Variants in DNAAF11 observed in about 807,000 individuals in gnomAD.
The protein encoded by DNAAF11 is dynein axonemal assembly factor 11, also known as leucine rich repeat containing 6.
Under a neutral mutation model 60.8 loss-of-function variants are expected in DNAAF11, and 45 were observed. The observed-to-expected ratio is 0.74, with a 90% CI of 0.58 to 0.95. The LOEUF is 0.95. Ranked by LOEUF, DNAAF11 falls within the 40% of genes least tolerant of loss-of-function variation. The probability of loss-of-function intolerance (pLI) is 0.00; values close to 1 mark genes in which losing one functional copy is unlikely to be tolerated. For missense variants in DNAAF11, 546 were observed against 546.2 expected, an observed-to-expected ratio of 1.00 and a Z score of 0.00; for synonymous variants, 191 against 183.5, an observed-to-expected ratio of 1.04 and a Z score of -0.33.
chr8:132,570,713 C>G lies in DNAAF11; in HGVS notation c.*1593G>C, dbSNP rs957435304. ...AGATGCAGAGGGACCCAGCCTGCTGCAGCTGATCCTTGATCTCCACCACTG... is the reference window on the plus strand; with the variant it reads ...AGATGCAGAGGGACCCAGCCTGCTGGAGCTGATCCTTGATCTCCACCACTG... On this transcript the variant is annotated 3_prime_UTR_variant, in exon 12 of 12. Coordinates refer to ENST00000620350, the MANE Select transcript of DNAAF11 (RefSeq NM_012472.6). Among the ~76,000 whole-genome samples, 2 of 152,198 alleles carry G rather than the reference C, an allele frequency of 1.3e-5. No individual in the cohort carries two copies. The highest frequency in any genetic ancestry group is 2.9e-5 in the Non-Finnish European group (2 of 68,054).
chr8:132,658,066 T>C (rs1400433494), intron 2 of DNAAF11, among the ~76,000 whole-genome samples: 2 of 152,316 alleles, frequency 1.3e-5, no homozygotes, highest in Non-Finnish European at 2.9e-5. Flanking sequence ...AGCTCAAAGA[T>C]GGTGATTTAT....
At chr8:132,690,404 C>T in the DNAAF11 span, among the ~76,000 whole-genome samples, 1 of 152,150 alleles carries the variant, frequency 6.6e-6, no homozygotes, top group Non-Finnish European at 1.5e-5. Flanking sequence ...TGTCTGCTTC[C>T]CCTTCCACCA....
chr8:132,615,104 A>C lies in DNAAF11; in HGVS notation c.915-7T>G. The C allele has an allele frequency of 6.3e-7, 1 of 1,594,034 alleles. No homozygotes were observed. The highest frequency in any genetic ancestry group is 1.3e-5 in the African/African-American group (1 of 74,712). On this transcript the variant is annotated splice_region_variant and splice_polypyrimidine_tract_variant and intron_variant, in intron 7 of 11. Transcript: ENST00000620350. ...TTTCAAAGAGAAGTCAATTCTAAGA[A>C]TAACACATTTGGTGGGAAAAAAGAG...
chr8:132,573,806 T>G (rs529001548), intron 11 of DNAAF11, among the ~76,000 whole-genome samples: 26 of 152,160 alleles, frequency 1.7e-4, no homozygotes, highest in Non-Finnish European at 3.5e-4. Flanking sequence ...TTTTAGTTTT[T>G]GATCCTTCAC....
At chr8:132,671,005 G>C (rs887058309) in intron 1 of DNAAF11, among the ~76,000 whole-genome samples, 1 of 152,086 alleles carries the variant, frequency 6.6e-6, no homozygotes, top group African/African-American at 2.4e-5. Flanking sequence ...ATATCGAGCA[G>C]AGAAAGACTC....
the DNAAF11 span, among the ~76,000 whole-genome samples, chr8:132,682,627 A>G: frequency 6.6e-6 from 1 of 152,228 alleles, no homozygotes; most frequent in African/African-American, 2.4e-5. Context: ...AGTAGTATGG[A>G]CACATTACTC....
Position 132,657,867 on chromosome 8 carries a change from T to C in DNAAF11, c.179-960A>G, listed in dbSNP as rs572825805. Reference sequence around the variant, plus strand: ...CCAAGGTACAGAGAATTAATTCACTTGTCCAAGGTTAAGTGGTAGAGCTAG... The same window carrying C: ...CCAAGGTACAGAGAATTAATTCACTCGTCCAAGGTTAAGTGGTAGAGCTAG... On this transcript the variant is annotated intron_variant, in intron 2 of 11. Coordinates refer to ENST00000620350, the MANE Select transcript of DNAAF11 (RefSeq NM_012472.6). 2.6e-5 allele frequency among the ~76,000 whole-genome samples: 4 copies of C among 152,308 alleles called. No individual in the cohort carries two copies. In the South Asian group the frequency reaches 8.3e-4, roughly 32 times the overall value.
At chr8:132,625,810 T>C (rs1340172323) in intron 5 of DNAAF11, among the ~76,000 whole-genome samples, 7 of 152,212 alleles carry the variant, frequency 4.6e-5, no homozygotes, top group African/African-American at 1.7e-4. Flanking sequence ...AGAAAGCCTA[T>C]TCAGTAGATC....
At chr8:132,696,839 T>C in the DNAAF11 span, among the ~76,000 whole-genome samples, 1 of 152,070 alleles carries the variant, frequency 6.6e-6, no homozygotes, top group East Asian at 1.9e-4. Context: ...AACTAAATGA[T>C]GAGAACGCAT....
chr8:132,668,795 G>GC, intron 1 of DNAAF11, among the ~76,000 whole-genome samples: 1 of 152,184 alleles, frequency 6.6e-6, no homozygotes, highest in South Asian at 2.1e-4. Context: ...CCAGGAAAGG[G>GC]CACCTTAGGC....
At chr8:132,643,434 A>G in intron 3 of DNAAF11, 1 of 337,358 alleles carries the variant, frequency 3.0e-6, no homozygotes, top group South Asian at 2.5e-5. Context: ...AGGCAGGAGG[A>G]GGCAGGTAGG....
intron 11 of DNAAF11, 147 bp downstream of exon 11, chr8:132,583,547 G>A (rs1195974507): frequency 2.5e-5 from 16 of 641,694 alleles, no homozygotes; most frequent in Non-Finnish European, 3.3e-5. Context: ...AAGAGTCTAC[G>A]GTTTGGGAAA....
At chr8:132,575,289 C>T (rs1276803777) in intron 11 of DNAAF11, among the ~76,000 whole-genome samples, 1 of 152,118 alleles carries the variant, frequency 6.6e-6, no homozygotes, top group Non-Finnish European at 1.5e-5. Context: ...TGAGTTCATC[C>T]ATGTAAAGGA....
chr8:132,690,289 T>TC, the DNAAF11 span, among the ~76,000 whole-genome samples: 1 of 152,230 alleles, frequency 6.6e-6, no homozygotes, highest in South Asian at 2.1e-4. Context: ...TGGGGCAGTT[T>TC]CCCCCATGCT....
intron 3 of DNAAF11, among the ~76,000 whole-genome samples, chr8:132,644,608 C>G (rs912171216): frequency 3.9e-5 from 6 of 152,098 alleles, no homozygotes; most frequent in African/African-American, 1.4e-4. Context: ...ACCAATGGTA[C>G]CTGGAAAATT....
chr8:132,639,245 A>G (rs563240654), intron 3 of DNAAF11, among the ~76,000 whole-genome samples: 6 of 152,314 alleles, frequency 3.9e-5, no homozygotes, highest in African/African-American at 1.4e-4. Flanking sequence ...TAGTTTATGC[A>G]GCAGCCTTTG....
At position 132,639,684 on chromosome 8, in the gene DNAAF11, C is replaced by G. The variant is rs538592592; in HGVS notation, c.257-1577G>C. Among the ~76,000 whole-genome samples the G allele has an allele frequency of 2.0e-5, 3 of 152,222 alleles. No homozygotes were observed. In the South Asian group the frequency reaches 6.2e-4, roughly 32 times the overall value. On this transcript the variant is annotated intron_variant, in intron 3 of 11. Transcript: ENST00000620350. ...ATCTTGTCCAGAATTCCACGTTTTC[C>G]TCTTATTAAGTCAGATCCCAAGCCA...
upstream of DNAAF11, among the ~76,000 whole-genome samples, chr8:132,678,925 T>C (rs778608726): frequency 1.3e-5 from 2 of 152,184 alleles, no homozygotes; most frequent in East Asian, 3.9e-4. Context: ...TCAAGTATTC[T>C]GTTCATTCAT....
intron 10 of DNAAF11, among the ~76,000 whole-genome samples, chr8:132,607,055 C>T (rs1313076689): frequency 6.6e-6 from 1 of 152,178 alleles, no homozygotes; most frequent in Admixed American, 6.5e-5. Context: ...TATAGTCATC[C>T]TGGATCTTCC....
Sources: allele counts gnomAD v4.1 joint callset (sites outside exome capture counted in the v4.1 genomes callset), GRCh38; gene constraint gnomAD v4.1.1; transcripts MANE v1.5; gene names NCBI Gene and HGNC (gene_info 2026-07-23, HGNC 2026-07-21).